LPIN3: variants seen among roughly 807,000 people sequenced by gnomAD.
The protein encoded by LPIN3 is lipin 3.
LPIN3 carries 82 observed loss-of-function variants against 94.7 expected under a neutral mutation model. The observed-to-expected ratio is 0.87, with a 90% CI of 0.72 to 1.04. The LOEUF (loss-of-function observed/expected upper bound fraction) is 1.04. Ranked by LOEUF, LPIN3 falls within the 50% of genes least tolerant of loss-of-function variation. The probability of loss-of-function intolerance (pLI) is 0.00; values close to 1 mark genes in which losing one functional copy is unlikely to be tolerated. For synonymous variants in LPIN3, 418 were observed against 443.3 expected (o/e 0.94, Z 0.72); for missense variants, 996 against 1,090.5 (o/e 0.91, Z 1.22).
intron 5 of LPIN3, 46 bp from the exon 6 acceptor site, chr20:41,349,728 G>A (rs762566841): frequency 8.9e-5 from 140 of 1,574,376 alleles, no homozygotes; most frequent in East Asian, 5.7e-4. Flanking sequence ...GGGCAGCAGC[G>A]GGGATGGGTA....
intron 7 of LPIN3, 31 bp downstream of exon 7, chr20:41,350,428 C>T: frequency 2.0e-6 from 3 of 1,508,088 alleles, no homozygotes; most frequent in Non-Finnish European, 2.7e-6. Context: ...CCCACTGCCT[C>T]CCTGGCCTCG....
chr20:41,352,947 A>C, intron 11 of LPIN3, 80 bp downstream of exon 11: 1 of 1,509,174 alleles, frequency 6.6e-7, no homozygotes. Context: ...CAAGGAAGTG[A>C]AGGGTGAGCA....
chr20:41,350,197 CAG>C lies in LPIN3; in HGVS notation c.905_906del (p.Glu302GlyfsTer8), dbSNP rs1568999353. ...CCTTTGGGACTCCCAATCCAGCAAA[CAG>C]AGGCTGGTGCCGACCTTCAGCCTGA... On this transcript the variant is annotated frameshift_variant, in exon 7 of 20. Transcript: ENST00000373257. LOFTEE classifies it high-confidence loss of function. 3 of 1,613,612 alleles carry C rather than the reference CAG, an allele frequency of 1.9e-6. No homozygotes were observed. Among genetic ancestry groups the C allele is most frequent in the Non-Finnish European group, 8.5e-7 (1 of 1,180,024 alleles).
chr20:41,341,274 ACTGTGTGAC>A (rs1284507545), intron 1 of LPIN3, among the ~76,000 whole-genome samples: 1 of 152,138 alleles, frequency 6.6e-6, no homozygotes, highest in Non-Finnish European at 1.5e-5. Flanking sequence ...CCCCAGCCTG[ACTGTGTGAC>A]CTTGAGGAGG....
Position 41,354,722 on chromosome 20 carries a change from C to A in LPIN3, c.1605C>A (p.Asp535Glu). Residue 535 changes from aspartate to glutamate, a missense_variant, in exon 12 of 20, where the codon GAC becomes GAA. Physicochemically the swap from Asp to Glu is conservative, Grantham distance 45. Coordinates refer to ENST00000373257, the MANE Select transcript of LPIN3 (RefSeq NM_022896.3). ...GGTGGTTTTCCTGGCGACGCAGGGA[C>A]TTCCTGGCCGAGGAGGTGGGTGGTC... ...GRWWFSWRRR[D>E]FLAEERSAQK... is the part of the protein sequence containing the mutation. The A allele has an allele frequency of 6.2e-7, 1 of 1,608,130 alleles. No individual in the cohort carries two copies. The highest frequency in any genetic ancestry group is 8.5e-7 in the Non-Finnish European group (1 of 1,176,380).
intron 5 of LPIN3, 133 bp downstream of exon 5, chr20:41,349,305 A>T (rs2045911382): frequency 1.4e-6 from 1 of 725,794 alleles, no homozygotes; most frequent in Non-Finnish European, 2.2e-6. Flanking sequence ...TTCCTTTGTA[A>T]AGAGTTCAAG....
Position 41,357,869 on chromosome 20 carries a change from C to T in LPIN3, c.2040-13C>T. ...CTCTGATGGCTCTATGCCACCCTGTCCCCCACTCTCAGAAATGGGTACAAG... is the reference window on the plus strand; with the variant it reads ...CTCTGATGGCTCTATGCCACCCTGTTCCCCACTCTCAGAAATGGGTACAAG... On this transcript the variant is annotated splice_polypyrimidine_tract_variant and intron_variant, in intron 16 of 19. Coordinates refer to ENST00000373257, the MANE Select transcript of LPIN3 (RefSeq NM_022896.3). The T allele has an allele frequency of 6.2e-7, 1 of 1,613,924 alleles. No individual in the cohort carries two copies. Among genetic ancestry groups the T allele is most frequent in the Middle Eastern group, 1.7e-4 (1 of 6,060 alleles).
chr20:41,355,273 A>G (rs2046171077), intron 13 of LPIN3, among the ~76,000 whole-genome samples: 2 of 152,192 alleles, frequency 1.3e-5, no homozygotes, highest in Admixed American at 6.5e-5. Context: ...TTGGCATCCC[A>G]GAGTGTTGGG....
intron 1 of LPIN3, among the ~76,000 whole-genome samples, chr20:41,341,701 C>T (rs6029639): frequency 0.12 from 18,482 of 152,230 alleles, 1,626 homozygotes; most frequent in African/African-American, 0.25. Flanking sequence ...GTCCAAACTC[C>T]GCTGGGCGCG....
rs201868448 is a variant in LPIN3, at chr20:41,347,548, G to T, written c.193-4G>T. 3.1e-6 allele frequency: 5 copies of T among 1,614,046 alleles called. No homozygotes were observed. The Admixed American group carries it at 5.0e-5, about 16-fold the overall frequency. On this transcript the variant is annotated splice_polypyrimidine_tract_variant and splice_region_variant and intron_variant, in intron 2 of 19. Coordinates refer to ENST00000373257, the MANE Select transcript of LPIN3 (RefSeq NM_022896.3). The stretch of plus-strand genomic sequence containing the variant: ...ATGTCCCTGCCACCGCTTTCCATTT[G>T]CAGGTAGACATTGAGCTCAATGGGG...
At chr20:41,346,474 C>G (rs576561641) in intron 2 of LPIN3, among the ~76,000 whole-genome samples, 1 of 152,358 alleles carries the variant, frequency 6.6e-6, no homozygotes, top group African/African-American at 2.4e-5. Context: ...GGCATGGTGG[C>G]TCACGCCTAT....
chr20:41,354,560 C>T (rs2046138955), intron 11 of LPIN3, 85 bp from the exon 12 acceptor site: 2 of 1,335,242 alleles, frequency 1.5e-6, no homozygotes, highest in Non-Finnish European at 2.0e-6. Context: ...ACTCTGGGCT[C>T]ATGCGTGGAG....
In LPIN3 at chr20:41,347,632, G is replaced by A; in HGVS notation, c.273G>A (p.Glu91=). Residue 91 remains glutamate (E), a synonymous_variant, in exon 3 of 20, where the codon GAG becomes GAA. Coordinates refer to ENST00000373257, the MANE Select transcript of LPIN3 (RefSeq NM_022896.3). ...GDSGEAFFVQ[E]LESDDEHVPP... is the part of the protein sequence containing the mutation. Reference sequence around the variant, plus strand: ...GCGGGGAGGCCTTCTTTGTTCAGGAGCTGGAGAGCGATGATGTGAGTCTGC... The same window carrying A: ...GCGGGGAGGCCTTCTTTGTTCAGGAACTGGAGAGCGATGATGTGAGTCTGC... The A allele has an allele frequency of 6.2e-7, 1 of 1,613,872 alleles. No individual in the cohort carries two copies. Among genetic ancestry groups the A allele is most frequent in the Non-Finnish European group, 8.5e-7 (1 of 1,179,858 alleles).
rs776680739 is a variant in LPIN3 at position 41,347,608 on chromosome 20, C to T, written c.249C>T (p.Ser83=). Residue 83 remains serine, a synonymous_variant, in exon 3 of 20, where the codon AGC becomes AGT. Coordinates refer to ENST00000373257, the MANE Select transcript of LPIN3 (RefSeq NM_022896.3). ...PVDLHMKLGD[S]GEAFFVQELE... ...ACTTGCACATGAAGCTTGGGGACAG[C>T]GGGGAGGCCTTCTTTGTTCAGGAGC... 32 of 1,613,916 alleles carry T rather than the reference C, an allele frequency of 2.0e-5. No individual in the cohort carries two copies. The highest frequency in any genetic ancestry group is 3.3e-4 in the Middle Eastern group (2 of 6,062).
intron 14 of LPIN3, 92 bp downstream of exon 14, chr20:41,356,126 G>C (rs1006709199): frequency 3.2e-5 from 49 of 1,525,990 alleles, no homozygotes; most frequent in Non-Finnish European, 4.4e-5. Flanking sequence ...ATGGCTCCAG[G>C]GAGCCACATG....
At chr20:41,349,916 C>A (rs771963915) in intron 6 of LPIN3, 22 bp downstream of exon 6, 1 of 1,599,682 alleles carries the variant, frequency 6.3e-7, no homozygotes, top group South Asian at 1.1e-5. Context: ...TGTATCAACC[C>A]CAGGCCCGGC....
Position 41,357,986 on chromosome 20 carries a change from A to G in LPIN3, c.2144A>G (p.Lys715Arg), listed in dbSNP as rs2046273884. 3.7e-6 allele frequency: 6 copies of G among 1,612,598 alleles called. No homozygotes were observed. Among genetic ancestry groups the G allele is most frequent in the Non-Finnish European group, 5.1e-6 (6 of 1,179,368 alleles). ...WVSEGGCSLP[K>R]GPILLSPSSL... is the part of the protein sequence containing the mutation. Reference sequence around the variant, plus strand: ...AGCGAGGGGGGCTGTAGCCTCCCCAAGGGCCCCATCCTTCTGTCTCCCAGC... The same window carrying G: ...AGCGAGGGGGGCTGTAGCCTCCCCAGGGGCCCCATCCTTCTGTCTCCCAGC... The change falls in exon 17 of 20, where the codon AAG becomes AGG. Residue 715 changes from lysine (K) to arginine (R), a missense_variant. Transcript: ENST00000373257.
In LPIN3 at chr20:41,358,837, C is replaced by T. The variant is rs758273451; in HGVS notation, c.2527C>T (p.Pro843Ser). 1 of 1,614,078 alleles carries T rather than the reference C, an allele frequency of 6.2e-7. No individual in the cohort carries two copies. The highest frequency in any genetic ancestry group is 1.1e-5 in the South Asian group (1 of 91,086). Reference protein sequence around the residue: ...SNFCYWREPLPAVDLDTLD With the variant: ...SNFCYWREPLSAVDLDTLD ...CTTCTGCTACTGGCGGGAGCCACTG[C>T]CTGCTGTGGACCTTGATACCCTGGA... Residue 843 changes from proline to serine, a missense_variant, in exon 20 of 20, where the codon CCT (proline) becomes TCT (serine). By Grantham distance (74) the Pro-to-Ser change is moderately conservative (BLOSUM62 -1). Coordinates refer to ENST00000373257, the MANE Select transcript of LPIN3 (RefSeq NM_022896.3).
In LPIN3 at chr20:41,355,966, T is replaced by C; in HGVS notation, c.1735T>C (p.Leu579=). Residue 579 remains leucine, a synonymous_variant, in exon 14 of 20, where the codon TTG becomes CTG. Coordinates refer to ENST00000373257, the MANE Select transcript of LPIN3 (RefSeq NM_022896.3). ...CCCTGTGATCCTGGAGATCCCCTCC[T>C]TGCCACCCTCCACTCCACCCTCCAC... ...DSPVILEIPS[L]PPSTPPSTPT... 1 of 1,614,094 alleles carries C rather than the reference T, an allele frequency of 6.2e-7. No homozygotes were observed. Among genetic ancestry groups the C allele is most frequent in the Non-Finnish European group, 8.5e-7 (1 of 1,179,976 alleles).
Sources: allele counts gnomAD v4.1 joint callset (sites outside exome capture counted in the v4.1 genomes callset), GRCh38; gene constraint gnomAD v4.1.1; transcripts MANE v1.5; gene names NCBI Gene and HGNC (gene_info 2026-07-23, HGNC 2026-07-21).